Variants in PSD3 observed in about 807,000 individuals in gnomAD.
The protein encoded by PSD3 is pleckstrin and Sec7 domain containing 3, also known as PH and SEC7 domain-containing protein 3.
PSD3 carries 49 observed loss-of-function variants against 105.5 expected under a neutral mutation model. That is an observed-to-expected ratio of 0.46 (90% CI 0.37 to 0.59). The LOEUF (loss-of-function observed/expected upper bound fraction) is 0.59, where lower values mean the gene tolerates loss of function less well. PSD3 is among the 20% of genes least tolerant of loss of function. The pLI is 0.00. For missense variants in PSD3, 1,561 were observed against 1,263.8 expected (o/e 1.24, Z -3.57); for synonymous variants, 557 against 457.8 (o/e 1.22, Z -2.77).
At chr8:18,576,252 CAAAGGTTTTCCCTCTACAATATGATGTA>C (rs1218217143) in intron 12 of PSD3, among the ~76,000 whole-genome samples, 1 of 152,062 alleles carries the variant, frequency 6.6e-6, no homozygotes, top group Non-Finnish European at 1.5e-5. Context: ...TGCTGTGAGG[CAAAGGTTTTCCCTCTACAATATGATGTA>C]AATACCAGTG....
At chr8:18,657,664 G>T (rs931240346) in intron 9 of PSD3, among the ~76,000 whole-genome samples, 2 of 151,494 alleles carry the variant, frequency 1.3e-5, no homozygotes, top group African/African-American at 2.4e-5. Flanking sequence ...AGAGAGAGTT[G>T]AAAACTGGCT....
intron 3 of PSD3, among the ~76,000 whole-genome samples, chr8:18,870,926 C>A (rs1294784864): frequency 1.3e-5 from 2 of 152,060 alleles, no homozygotes; most frequent in African/African-American, 2.4e-5. Context: ...AAGTGGGACC[C>A]CATCTCTACA....
rs906341368 is a variant in PSD3, at chr8:18,543,632, AAAC to A, written c.2929-7677_2929-7675del. On this transcript the variant is annotated intron_variant, in intron 15 of 15. Transcript: ENST00000327040. ...GACTCTCTCTCAAAAACAAAAAAAA[AAAC>A]AACAACAAAAACAAAACTTCCCAAA... Among the ~76,000 whole-genome samples, 11 of 152,134 alleles carry A rather than the reference AAAC, an allele frequency of 7.2e-5. No individual in the cohort carries two copies. The East Asian group carries it at 9.7e-4, about 13-fold the overall frequency.
intron 2 of PSD3, among the ~76,000 whole-genome samples, chr8:18,874,377 G>A (rs1817596023): frequency 6.6e-6 from 1 of 151,844 alleles, no homozygotes; most frequent in South Asian, 2.1e-4. Flanking sequence ...ATGTTGGCCA[G>A]GATGGTCTCG....
At chr8:18,797,886 C>A (rs28673164) in intron 8 of PSD3, among the ~76,000 whole-genome samples, 1 of 152,034 alleles carries the variant, frequency 6.6e-6, no homozygotes, top group Non-Finnish European at 1.5e-5. Context: ...GAATTCTTCA[C>A]GCTGGTGATC....
chr8:19,071,724 T>TTCC (rs1427304550), intron 1 of PSD3, among the ~76,000 whole-genome samples: 1 of 152,000 alleles, frequency 6.6e-6, no homozygotes, highest in Non-Finnish European at 1.5e-5. Context: ...CTTCTTCTTC[T>TTCC]TCTTTTTATT....
intron 1 of PSD3, among the ~76,000 whole-genome samples, chr8:19,045,508 A>G (rs7841005): frequency 0.25 from 37,500 of 152,208 alleles, 4,683 homozygotes; most frequent in South Asian, 0.3. Flanking sequence ...AAGCAACAGC[A>G]CAGATCTCTT....
chr8:18,537,317 C>T (rs530453704), intron 15 of PSD3, among the ~76,000 whole-genome samples: 143 of 152,258 alleles, frequency 9.4e-4, no homozygotes, highest in Non-Finnish European at 1.4e-3. Context: ...AAATGAAACT[C>T]GGATTTGAAC....
In PSD3 at chr8:18,803,926, A is replaced by G. The variant is rs570515058; in HGVS notation, c.1910+596T>C. 8.6e-4 allele frequency among the ~76,000 whole-genome samples: 129 copies of G among 150,228 alleles called. 1 individual carries two copies. The highest frequency in any genetic ancestry group is 2.9e-3 in the African/African-American group (120 of 40,790). ...TGTATACCTAAAAATTGCTAAGATG[A>G]AAGATTTTATGCTATCTGTATTCTA... is the stretch of plus-strand genomic sequence containing the variant. On this transcript the variant is annotated intron_variant, in intron 6 of 15. Coordinates refer to ENST00000327040, the MANE Select transcript of PSD3 (RefSeq NM_015310.4).
At chr8:18,628,912 C>T (rs1402726472) in intron 11 of PSD3, among the ~76,000 whole-genome samples, 1 of 151,840 alleles carries the variant, frequency 6.6e-6, no homozygotes, top group African/African-American at 2.4e-5. Flanking sequence ...AATAAGAAAC[C>T]AACAGTAAGA....
chr8:18,750,485 C>G (rs977342844), intron 9 of PSD3, among the ~76,000 whole-genome samples: 3 of 152,118 alleles, frequency 2.0e-5, no homozygotes, highest in African/African-American at 7.2e-5. Flanking sequence ...GTGAGTGTTA[C>G]AACTCATAAA....
chr8:18,696,225 C>A (rs1371820858), intron 9 of PSD3, among the ~76,000 whole-genome samples: 1 of 152,240 alleles, frequency 6.6e-6, no homozygotes, highest in Non-Finnish European at 1.5e-5. Flanking sequence ...CTGCCCAATC[C>A]TGCTTCCTTT....
chr8:18,566,525 C>A (rs1801765511), intron 14 of PSD3, among the ~76,000 whole-genome samples: 2 of 130,700 alleles, frequency 1.5e-5, no homozygotes, highest in African/African-American at 5.7e-5. Context: ...GACTCTGTCT[C>A]AAAAAAAAAA....
intron 14 of PSD3, among the ~76,000 whole-genome samples, chr8:18,562,516 G>T (rs755776446): frequency 6.6e-6 from 1 of 152,162 alleles, no homozygotes; most frequent in Non-Finnish European, 1.5e-5. Context: ...CTCCACTGCT[G>T]CCGGGTCTCC....
chr8:18,902,738 C>A (rs1819587989), intron 2 of PSD3, among the ~76,000 whole-genome samples: 1 of 152,142 alleles, frequency 6.6e-6, no homozygotes, highest in African/African-American at 2.4e-5. Flanking sequence ...CAGACAGGTG[C>A]AGTAGTAGAG....
rs763919260 is a variant in PSD3 at position 18,872,242 on chromosome 8, T to C, written c.622A>G (p.Ser208Gly). Reference protein sequence around the residue: ...PLSAEVTTEESFYLSIQKDLT... With the variant: ...PLSAEVTTEEGFYLSIQKDLT... ...TCTTTCTGGATGCTCAAATAAAAAC[T>C]TTCCTCCGTTGTTACTTCAGCTGAA... Residue 208 changes from serine to glycine, a missense_variant, in exon 3 of 16, where the codon AGT (serine) becomes GGT (glycine). Physicochemically the swap from Ser to Gly is moderately conservative, Grantham distance 56. Transcript: ENST00000327040. The C allele has an allele frequency of 3.1e-6, 5 of 1,614,238 alleles. No individual in the cohort carries two copies. The South Asian group carries it at 4.4e-5, about 14-fold the overall frequency.
At chr8:18,795,083 G>C (rs1376468609) in intron 8 of PSD3, among the ~76,000 whole-genome samples, 1 of 152,084 alleles carries the variant, frequency 6.6e-6, no homozygotes, top group Non-Finnish European at 1.5e-5. Flanking sequence ...ATCTCACACT[G>C]AACTCCACAT....
intron 1 of PSD3, among the ~76,000 whole-genome samples, chr8:19,030,749 C>T (rs544509056): frequency 2.4e-4 from 36 of 152,180 alleles, no homozygotes; most frequent in African/African-American, 6.5e-4. Context: ...TGTCCATCCC[C>T]GTATCAACTT....
chr8:18,725,252 A>T (rs1473479), intron 9 of PSD3, among the ~76,000 whole-genome samples: 119,399 of 152,098 alleles, frequency 0.79, 48,292 homozygotes, highest in Non-Finnish European at 0.9. Context: ...AAACTTAGAA[A>T]ATAGTAATCT....
Sources: allele counts gnomAD v4.1 joint callset (sites outside exome capture counted in the v4.1 genomes callset), GRCh38; gene constraint gnomAD v4.1.1; transcripts MANE v1.5; gene names NCBI Gene and HGNC (gene_info 2026-07-23, HGNC 2026-07-21).